PLIN5: variants seen among roughly 807,000 people sequenced by gnomAD.
PLIN5 encodes the protein perilipin-5.
A neutral mutation model predicts 32.8 loss-of-function variants in PLIN5; 34 were observed. The observed-to-expected ratio is 1.04, with a 90% CI of 0.79 to 1.38. The LOEUF (loss-of-function observed/expected upper bound fraction) is 1.38, where lower values mean the gene tolerates loss of function less well. Among genes scored for constraint, PLIN5 ranks in the 40% most tolerant of loss-of-function variants. The probability of loss-of-function intolerance (pLI) is 0.00; values close to 1 mark genes in which losing one functional copy is unlikely to be tolerated. For missense variants in PLIN5, 712 were observed against 660.5 expected, an observed-to-expected ratio of 1.08 and a Z score of -0.85; for synonymous variants, 309 against 292.9, an observed-to-expected ratio of 1.05 and a Z score of -0.56.
Position 4,525,867 on chromosome 19 carries a change from GGA to G in PLIN5, c.521-37_521-36del, listed in dbSNP as rs1203044050. On this transcript the variant is annotated intron_variant, in intron 5 of 7. Coordinates refer to ENST00000381848, the MANE Select transcript of PLIN5 (RefSeq NM_001013706.3). The surrounding 1 kb of genome is among the most constrained non-coding windows in gnomAD (Gnocchi z 5.6). The stretch of plus-strand genomic sequence containing the variant: ...AGGATACGGGGACAGCACGGGGACA[GGA>G]TACGGGGACAGCACGGGGACAGGAT... 17 of 1,450,134 alleles carry G rather than the reference GGA, an allele frequency of 1.2e-5. No homozygotes were observed. The African/African-American group carries it at 3.3e-4, about 28-fold the overall frequency. 89.8% of individuals were successfully genotyped at this position (1,450,134 alleles called of 1,614,324 possible). A position where few individuals can be genotyped will look rare whatever the true frequency, so the allele number is the denominator to read the frequency against.
In PLIN5 at chr19:4,525,916, G is replaced by C. The variant is rs1289850977; in HGVS notation, c.521-84C>G. On this transcript the variant is annotated intron_variant, in intron 5 of 7. Coordinates refer to ENST00000381848, the MANE Select transcript of PLIN5 (RefSeq NM_001013706.3). This position sits in a 1 kb window ranked among gnomAD's most constrained non-coding sequence, Gnocchi z 5.6. ...GGATACGGGGACAGCACGGGGACAG[G>C]ATACGGGGACAGCACGGGGACAGGA... is the stretch of plus-strand genomic sequence containing the variant. The C allele has an allele frequency of 1.9e-6, 1 of 521,680 alleles. No individual in the cohort carries two copies. The highest frequency in any genetic ancestry group is 2.1e-5 in the South Asian group (1 of 48,402). The allele number at this position is 521,680 out of a possible 1,614,324, so 32.3% of individuals were successfully genotyped here. A position where few individuals can be genotyped will look rare whatever the true frequency, so the allele number is the denominator to read the frequency against.
chr19:4,523,805 G>GGCAGC lies in PLIN5; in HGVS notation c.1110_1114dup (p.Pro372ArgfsTer88), dbSNP rs1952047282. 6.3e-7 allele frequency: 1 copy of GGCAGC among 1,595,882 alleles called. No individual in the cohort carries two copies. Among genetic ancestry groups the GGCAGC allele is most frequent in the South Asian group, 1.1e-5 (1 of 90,706 alleles). On this transcript the variant is annotated frameshift_variant, in exon 8 of 8. Transcript: ENST00000381848. LOFTEE classifies it low-confidence loss of function (END_TRUNC). This position sits in a 1 kb window ranked among gnomAD's most constrained non-coding sequence, Gnocchi z 5.0. Reference sequence around the variant, plus strand: ...GGGCGCGAAGGGTCCCACCAGCCAGGGCAGCGGCACGGCCTGCACCACCAG... The same window carrying GGCAGC: ...GGGCGCGAAGGGTCCCACCAGCCAGGGCAGCGCAGCGGCACGGCCTGCACCACCAG...
Position 4,534,087 on chromosome 19 carries a change from AG to A in PLIN5, c.-14del. ...CTTCTTCAGACATCGTGCTGCAAAC[AG>A]GGTCACCCTGCGGGGCAGGATTGAG... On this transcript the variant is annotated 5_prime_UTR_variant, in exon 2 of 8. Transcript: ENST00000381848. 2 of 1,610,936 alleles carry A rather than the reference AG, an allele frequency of 1.2e-6. No individual in the cohort carries two copies. The highest frequency in any genetic ancestry group is 1.7e-6 in the Non-Finnish European group (2 of 1,178,718).
At chr19:4,528,653 C>G (rs1976838788) in intron 5 of PLIN5, 1 of 154,514 alleles carries the variant, frequency 6.5e-6, no homozygotes, top group African/African-American at 2.4e-5. Flanking sequence ...CATGATCTGC[C>G]CACCTTGGCC....
intron 4 of PLIN5, chr19:4,529,562 T>TTATACGTATATATACATATATACAC (rs756800955): frequency 1.9e-5 from 9 of 478,296 alleles, no homozygotes; most frequent in African/African-American, 1.8e-4. Flanking sequence ...ACATATATAC[T>TTATACGTATATATACATATATACAC]TATACGTATA....
rs776669721 is a variant in PLIN5, at chr19:4,523,827, CCAGCTCCAG to C, written c.1084_1092del (p.Leu362_Leu364del). On this transcript the variant is annotated inframe_deletion, in exon 8 of 8. Transcript: ENST00000381848. The surrounding 1 kb of genome is among the most constrained non-coding windows in gnomAD (Gnocchi z 5.0). Reference sequence around the variant, plus strand: ...CAGGGCAGCGGCACGGCCTGCACCACCAGCTCCAGCAGCTCGTCCACGCAGGCGTGCGCG... The same window carrying C: ...CAGGGCAGCGGCACGGCCTGCACCACCAGCTCGTCCACGCAGGCGTGCGCG... 8 of 1,591,050 alleles carry C rather than the reference CCAGCTCCAG, an allele frequency of 5.0e-6. No homozygotes were observed. The South Asian group carries it at 7.8e-5, about 15-fold the overall frequency.
intron 5 of PLIN5, chr19:4,528,317 A>C (rs1471149048): frequency 2.0e-5 from 3 of 152,152 alleles, no homozygotes; most frequent in East Asian, 1.9e-4. Context: ...GGTACCAAAA[A>C]CCATCAAAGT....
chr19:4,523,864 G>T lies in PLIN5; in HGVS notation c.1056C>A (p.Ala352=). The T allele has an allele frequency of 6.5e-7, 1 of 1,539,158 alleles. No homozygotes were observed. Among genetic ancestry groups the T allele is most frequent in the African/African-American group, 1.4e-5 (1 of 71,328 alleles). The change falls in exon 8 of 8, where the codon GCC becomes GCA. Residue 352 remains alanine, a synonymous_variant. Coordinates refer to ENST00000381848, the MANE Select transcript of PLIN5 (RefSeq NM_001013706.3). This position sits in a 1 kb window ranked among gnomAD's most constrained non-coding sequence, Gnocchi z 5.0. ...AALAEGRGRV[A]HAHACVDELL... Reference sequence around the variant, plus strand: ...GCTCGTCCACGCAGGCGTGCGCGTGGGCCACGCGACCCCGGCCCTCGGCCA... The same window carrying T: ...GCTCGTCCACGCAGGCGTGCGCGTGTGCCACGCGACCCCGGCCCTCGGCCA...
At chr19:4,530,659 G>C (rs564697321) in intron 3 of PLIN5, among the ~76,000 whole-genome samples, 32 of 152,234 alleles carry the variant, frequency 2.1e-4, no homozygotes, top group Admixed American at 1.6e-3. Flanking sequence ...TAAGGGCAGA[G>C]GGCCAGGGGA....
chr19:4,534,847 ACAGGG>A (rs1976927393), intron 1 of PLIN5, among the ~76,000 whole-genome samples: 1 of 152,222 alleles, frequency 6.6e-6, no homozygotes, highest in Admixed American at 6.5e-5. Flanking sequence ...CATTTGACAG[ACAGGG>A]CAACTGAGGT....
At position 4,525,743 on chromosome 19, in the gene PLIN5, G is replaced by A. The variant is rs1976792329; in HGVS notation, c.610C>T (p.Leu204=). ...QQGYFVRLGS[L]SARIRHLAYE... is the part of the protein sequence containing the mutation. ...GCCAGGTGGCGGATCCGTGCTGACA[G>A]GGAGCCGAGGCGCACAAAGTAGCCC... Residue 204 remains leucine (L), a synonymous_variant, in exon 6 of 8, where the codon CTG becomes TTG. Coordinates refer to ENST00000381848, the MANE Select transcript of PLIN5 (RefSeq NM_001013706.3). This position sits in a 1 kb window ranked among gnomAD's most constrained non-coding sequence, Gnocchi z 5.6. 2 of 1,613,610 alleles carry A rather than the reference G, an allele frequency of 1.2e-6. No homozygotes were observed. The highest frequency in any genetic ancestry group is 2.7e-5 in the African/African-American group (2 of 74,942).
rs554565368 is a variant in PLIN5 at position 4,525,619 on chromosome 19, C to T, written c.720+14G>A. 6.2e-7 allele frequency: 1 copy of T among 1,611,200 alleles called. No individual in the cohort carries two copies. The highest frequency in any genetic ancestry group is 1.1e-5 in the South Asian group (1 of 91,068). On this transcript the variant is annotated intron_variant, in intron 6 of 7. Coordinates refer to ENST00000381848, the MANE Select transcript of PLIN5 (RefSeq NM_001013706.3). The surrounding 1 kb of genome is among the most constrained non-coding windows in gnomAD (Gnocchi z 5.6). ...GCCTGCATCCCGGAGCAGGGGCGGG[C>T]AGCGGGCTCTCACCAGCTCCAGCGT...
chr19:4,529,585 CA>C (rs1427421366), intron 4 of PLIN5, 198 bp downstream of exon 4: 92 of 509,210 alleles, frequency 1.8e-4, no homozygotes, highest in Middle Eastern at 5.0e-4. Flanking sequence ...TACATATATA[CA>C]CTATACGTAT....
intron 3 of PLIN5, among the ~76,000 whole-genome samples, chr19:4,530,736 G>C (rs766032033): frequency 6.6e-6 from 1 of 152,102 alleles, no homozygotes; most frequent in Non-Finnish European, 1.5e-5. Context: ...GCAGTGGTGC[G>C]ATCTCGGCTT....
At chr19:4,529,353 C>T in intron 4 of PLIN5, 100 bp from the exon 5 acceptor site, 1 of 1,325,902 alleles carries the variant, frequency 7.5e-7, no homozygotes. Flanking sequence ...CCCTGGACTT[C>T]TACCTGGCTC....
Position 4,523,344 on chromosome 19 carries a change from G to A in PLIN5, c.*184C>T, listed in dbSNP as rs538739431. 8.4e-5 allele frequency: 54 copies of A among 642,292 alleles called. No homozygotes were observed. The highest frequency in any genetic ancestry group is 4.3e-4 in the Middle Eastern group (1 of 2,316). The allele number at this position is 642,292 out of a possible 1,614,324, so 39.8% of individuals were successfully genotyped here. Reference sequence around the variant, plus strand: ...AGGCCCTGCTCCCCCGGGCCTCTTTGTCCATGTGTTCAAGGAAAAAATGGG... The same window carrying A: ...AGGCCCTGCTCCCCCGGGCCTCTTTATCCATGTGTTCAAGGAAAAAATGGG... On this transcript the variant is annotated 3_prime_UTR_variant, in exon 8 of 8. Transcript: ENST00000381848. This position sits in a 1 kb window ranked among gnomAD's most constrained non-coding sequence, Gnocchi z 5.0.
chr19:4,533,869 C>A (rs1028373687), intron 2 of PLIN5, 146 bp downstream of exon 2: 3 of 890,202 alleles, frequency 3.4e-6, no homozygotes, highest in Non-Finnish European at 5.2e-6. Flanking sequence ...AATAGACCAT[C>A]CCCTCCATGG....
At chr19:4,527,485 G>A (rs530199114) in intron 5 of PLIN5, among the ~76,000 whole-genome samples, 201 of 129,896 alleles carry the variant, frequency 1.5e-3, no homozygotes, top group Non-Finnish European at 2.6e-3. Flanking sequence ...GCTGCAGTGA[G>A]CCAAGATCAT....
rs1976846506 is a variant in PLIN5 at position 4,529,191 on chromosome 19, C to T, written c.402G>A (p.Arg134=). The change falls in exon 5 of 8, where the codon CGG becomes CGA. Residue 134 remains arginine, a synonymous_variant. Coordinates refer to ENST00000381848, the MANE Select transcript of PLIN5 (RefSeq NM_001013706.3). ...GCTCCACGCTCCAGCGCCGGCCCCT[C>T]CGGGCCAGGTCCACCACACCCGTGA... ...SSVTGVVDLA[R]RGRRWSVELK... is the part of the protein sequence containing the mutation. 1 of 1,612,796 alleles carries T rather than the reference C, an allele frequency of 6.2e-7. No individual in the cohort carries two copies. Among genetic ancestry groups the T allele is most frequent in the Non-Finnish European group, 8.5e-7 (1 of 1,179,810 alleles).
Sources: allele counts gnomAD v4.1 joint callset (sites outside exome capture counted in the v4.1 genomes callset), GRCh38; gene constraint gnomAD v4.1.1; non-coding constraint Gnocchi (gnomAD v3.1); transcripts MANE v1.5; gene names NCBI Gene and HGNC (gene_info 2026-07-23, HGNC 2026-07-21).